XPA: variants seen among roughly 807,000 people sequenced by gnomAD.
XPA encodes the protein XPA, DNA damage recognition and repair factor.
A neutral mutation model predicts 35.7 loss-of-function variants in XPA; 27 were observed. The observed-to-expected ratio is 0.76, with a 90% CI of 0.56 to 1.04. The LOEUF (loss-of-function observed/expected upper bound fraction) is 1.04, where lower values mean the gene tolerates loss of function less well. XPA is among the 50% of genes least tolerant of loss of function. The pLI is 0.00. For synonymous variants in XPA, 133 were observed against 118.4 expected (o/e 1.12, Z -0.80); for missense variants, 354 against 342.7 (o/e 1.03, Z -0.26).
the XPA span, chr9:97,666,876 G>T: frequency 6.3e-7 from 1 of 1,586,346 alleles, no homozygotes; most frequent in Non-Finnish European, 8.6e-7. Flanking sequence ...CAACACAAAC[G>T]GGTAAGTTTT....
chr9:97,661,734 T>TG, the XPA span, among the ~76,000 whole-genome samples: 8 of 113,898 alleles, frequency 7.0e-5, no homozygotes, highest in East Asian at 2.7e-3. Flanking sequence ...GCTTAAGTGT[T>TG]TTTTTTTTTT....
chr9:97,655,610 G>A, the XPA span: 2 of 981,186 alleles, frequency 2.0e-6, no homozygotes, highest in Non-Finnish European at 3.1e-6. Flanking sequence ...TGTAAAGTCG[G>A]GTTTTATCTG....
At chr9:97,693,882 A>C (rs1469107935) in intron 1 of XPA, 123 bp from the exon 2 acceptor site, 4 of 902,726 alleles carry the variant, frequency 4.4e-6, no homozygotes, top group Non-Finnish European at 7.0e-6. Context: ...GTCCACAATC[A>C]CTACTTCTAT....
chr9:97,678,946 TA>T (rs1828455589), intron 5 of XPA, among the ~76,000 whole-genome samples: 1 of 152,128 alleles, frequency 6.6e-6, no homozygotes, highest in South Asian at 2.1e-4. Flanking sequence ...GTCAATGTCA[TA>T]AAAAATACGA....
At chr9:97,696,726 C>A (rs960046700) in intron 1 of XPA, among the ~76,000 whole-genome samples, 2 of 152,198 alleles carry the variant, frequency 1.3e-5, no homozygotes, top group Non-Finnish European at 2.9e-5. Flanking sequence ...TCAACTAGTT[C>A]TAGGTATAGA....
chr9:97,656,081 A>G, the XPA span: 2 of 1,612,968 alleles, frequency 1.2e-6, no homozygotes, highest in Non-Finnish European at 1.7e-6. Context: ...AGAAAAATGT[A>G]TGAGGTAAGT....
the XPA span, among the ~76,000 whole-genome samples, chr9:97,658,230 T>G: frequency 2.0e-5 from 3 of 152,178 alleles, no homozygotes; most frequent in African/African-American, 7.2e-5. Flanking sequence ...CAATTCCAAC[T>G]CAATACCTTA....
At chr9:97,691,709 G>A (rs369394529) in intron 2 of XPA, among the ~76,000 whole-genome samples, 1 of 151,378 alleles carries the variant, frequency 6.6e-6, no homozygotes, top group Non-Finnish European at 1.5e-5. Context: ...GTGAAACTCC[G>A]TCTCAAAAAC....
At chr9:97,680,866 C>T (rs761568850) in intron 5 of XPA, among the ~76,000 whole-genome samples, 8 of 152,144 alleles carry the variant, frequency 5.3e-5, no homozygotes, top group Admixed American at 5.2e-4. Context: ...GCAGGTCCTA[C>T]GCAGTACTGA....
the XPA span, chr9:97,663,137 A>T: frequency 3.0e-5 from 30 of 1,008,688 alleles, no homozygotes; most frequent in Non-Finnish European, 4.5e-5. Context: ...TTTGTAAAAC[A>T]TGAAATTTGA....
chr9:97,668,990 A>C, the XPA span: 1 of 1,588,572 alleles, frequency 6.3e-7, no homozygotes, highest in East Asian at 2.2e-5. Context: ...TTGGCTTGGG[A>C]CATTTATACA....
intron 2 of XPA, among the ~76,000 whole-genome samples, chr9:97,689,948 C>T (rs1828836962): frequency 6.6e-6 from 1 of 152,230 alleles, no homozygotes; most frequent in Admixed American, 6.5e-5. Context: ...AAACAACACA[C>T]ATTTATTATC....
chr9:97,656,213 C>A, the XPA span: 2 of 787,290 alleles, frequency 2.5e-6, no homozygotes, highest in Non-Finnish European at 4.0e-6. Context: ...CATTTTTAAT[C>A]AAGACTTAGG....
At chr9:97,656,015 G>T in the XPA span, 3 of 1,613,400 alleles carry the variant, frequency 1.9e-6, no homozygotes, top group African/African-American at 2.7e-5. Context: ...CCTTAGGTCA[G>T]ATTGTCTTAG....
In XPA at chr9:97,697,230, A is replaced by C; in HGVS notation, c.63T>G (p.Pro21=). The C allele has an allele frequency of 1.2e-6, 2 of 1,601,238 alleles. No homozygotes were observed. Among genetic ancestry groups the C allele is most frequent in the Non-Finnish European group, 1.7e-6 (2 of 1,179,096 alleles). The part of the protein sequence containing the change: ...AAALEQPAEL[P]ASVRASIERK... Reference sequence around the variant, plus strand: ...GCTCGATACTCGCCCGCACCGAGGCAGGCAGCTCCGCGGGTTGCTCTAAAG... The same window carrying C: ...GCTCGATACTCGCCCGCACCGAGGCCGGCAGCTCCGCGGGTTGCTCTAAAG... The change falls in exon 1 of 6, where the codon CCT becomes CCG. Residue 21 remains proline (P), a synonymous_variant. Transcript: ENST00000375128.
At chr9:97,693,254 T>C (rs964028016) in intron 2 of XPA, among the ~76,000 whole-genome samples, 2 of 152,224 alleles carry the variant, frequency 1.3e-5, no homozygotes, top group African/African-American at 2.4e-5. Flanking sequence ...ATCTTATACT[T>C]TGTAAGCTGC....
chr9:97,689,558 T>A lies in XPA; in HGVS notation c.365A>T (p.Asp122Val). ...CCTGCAGTTATCACAAGTTGGCAAA[T>A]CAAAGTGGTTCATAAGATAAGAATC... ...FMDSYLMNHF[D>V]LPTCDNCRDA... The change falls in exon 3 of 6, where the codon GAT becomes GTT. Residue 122 changes from aspartate (D) to valine (V), a missense_variant. By Grantham distance (152) the Asp-to-Val change is radical. Transcript: ENST00000375128. 1.9e-6 allele frequency: 3 copies of A among 1,612,314 alleles called. No individual in the cohort carries two copies. Among genetic ancestry groups the A allele is most frequent in the Non-Finnish European group, 2.5e-6 (3 of 1,178,606 alleles).
At chr9:97,685,417 A>C (rs1828686863) in intron 4 of XPA, among the ~76,000 whole-genome samples, 1 of 152,144 alleles carries the variant, frequency 6.6e-6, no homozygotes, top group Non-Finnish European at 1.5e-5. Flanking sequence ...CATCTCCAAA[A>C]ATCTCCAACC....
the XPA span, chr9:97,658,827 G>T: frequency 9.1e-7 from 1 of 1,103,854 alleles, no homozygotes; most frequent in Non-Finnish European, 1.4e-6. Flanking sequence ...TGGAGAAATT[G>T]AACTTTTTCT....
Sources: gnomAD v4.1 joint callset for allele counts (sites outside exome capture counted in the v4.1 genomes callset) on GRCh38, gnomAD v4.1.1 for gene constraint, MANE v1.5 for transcripts, NCBI Gene and HGNC (gene_info 2026-07-23, HGNC 2026-07-21) for gene names.